ARHGEF28: variants seen among roughly 807,000 people sequenced by gnomAD.
ARHGEF28 encodes the protein 190 kDa guanine nucleotide exchange factor.
Under a neutral mutation model 206.6 loss-of-function variants are expected in ARHGEF28, and 152 were observed. That is an observed-to-expected ratio of 0.74 (90% CI 0.64 to 0.84). The LOEUF (loss-of-function observed/expected upper bound fraction) is 0.84, where lower values mean the gene tolerates loss of function less well. Among genes scored for constraint, ARHGEF28 ranks in the 40% least tolerant of loss-of-function variants. The probability of loss-of-function intolerance (pLI) is 0.00; values close to 1 mark genes in which losing one functional copy is unlikely to be tolerated. For synonymous variants in ARHGEF28, 763 were observed against 776.4 expected (o/e 0.98, Z 0.29); for missense variants, 2,028 against 2,073.2 (o/e 0.98, Z 0.42).
intron 35 of ARHGEF28, chr5:73,923,249 T>C: frequency 7.9e-7 from 1 of 1,260,700 alleles, no homozygotes; most frequent in South Asian, 1.4e-5. Flanking sequence ...AATGTTTTGG[T>C]TTATGCTAAA....
intron 29 of ARHGEF28, among the ~76,000 whole-genome samples, chr5:73,896,310 G>A (rs1353896630): frequency 2.0e-5 from 3 of 152,174 alleles, no homozygotes; most frequent in Non-Finnish European, 4.4e-5. Context: ...ACGTGTTTAA[G>A]GAAAGAAGGG....
chr5:73,844,821 C>A (rs1316947405), intron 11 of ARHGEF28, among the ~76,000 whole-genome samples: 1 of 144,532 alleles, frequency 6.9e-6, no homozygotes, highest in Non-Finnish European at 1.5e-5. Context: ...CGTGCATTAA[C>A]ATGCACCCAG....
chr5:73,896,713 C>T (rs949212326), intron 29 of ARHGEF28, among the ~76,000 whole-genome samples: 2 of 152,250 alleles, frequency 1.3e-5, no homozygotes, highest in African/African-American at 4.8e-5. Context: ...TGACCTCCCT[C>T]ATTGTCTTTG....
rs184413187 is a variant in ARHGEF28 at position 73,855,498 on chromosome 5, G to A, written c.1791-2158G>A. ...TTTAATCCCAGCACTTTGGGAGGCC[G>A]AGGTGGGTGAATCACCAGAGGTCAG... On this transcript the variant is annotated intron_variant, in intron 14 of 35. Transcript: ENST00000513042. 1.3e-3 allele frequency among the ~76,000 whole-genome samples: 204 copies of A among 152,262 alleles called. 1 individual carries two copies. Among genetic ancestry groups the A allele is most frequent in the African/African-American group, 4.7e-3 (196 of 41,548 alleles).
At chr5:73,842,095 T>G (rs1313502590) in intron 11 of ARHGEF28, among the ~76,000 whole-genome samples, 1 of 152,228 alleles carries the variant, frequency 6.6e-6, no homozygotes, top group Non-Finnish European at 1.5e-5. Context: ...TATCTGTCTA[T>G]CTGATTGTCT....
chr5:73,720,579 C>A (rs569989235), intron 2 of ARHGEF28, among the ~76,000 whole-genome samples: 1 of 151,898 alleles, frequency 6.6e-6, no homozygotes. Flanking sequence ...AGGGGAATGA[C>A]GGGTGGGATG....
intron 7 of ARHGEF28, among the ~76,000 whole-genome samples, chr5:73,786,093 C>T (rs1406653888): frequency 6.6e-6 from 1 of 150,708 alleles, no homozygotes; most frequent in Non-Finnish European, 1.5e-5. Flanking sequence ...GAGAAAAAAC[C>T]TTGCCCTCAA....
At chr5:73,741,039 A>T (rs1751347049) in intron 2 of ARHGEF28, among the ~76,000 whole-genome samples, 1 of 152,074 alleles carries the variant, frequency 6.6e-6, no homozygotes, top group South Asian at 2.1e-4. Flanking sequence ...AATTTTTCTT[A>T]TACCCAAGCC....
intron 9 of ARHGEF28, chr5:73,813,732 T>C: frequency 3.3e-6 from 5 of 1,498,460 alleles, no homozygotes; most frequent in South Asian, 1.2e-5. Flanking sequence ...TATTCTTTCT[T>C]TTCCGTGTTT....
chr5:73,767,018 A>G (rs1752934431), intron 4 of ARHGEF28, among the ~76,000 whole-genome samples: 1 of 152,150 alleles, frequency 6.6e-6, no homozygotes, highest in African/African-American at 2.4e-5. Context: ...TATACTCATG[A>G]TAGTGAATGA....
chr5:73,820,838 C>T (rs1756539243), intron 9 of ARHGEF28, among the ~76,000 whole-genome samples: 1 of 152,130 alleles, frequency 6.6e-6, no homozygotes, highest in Non-Finnish European at 1.5e-5. Context: ...CCCAGGGAAG[C>T]TGAGCCTGGC....
intron 1 of ARHGEF28, among the ~76,000 whole-genome samples, chr5:73,671,723 TA>T (rs1561323413): frequency 1.1e-4 from 1 of 8,824 alleles, no homozygotes; most frequent in African/African-American, 7.2e-4. Flanking sequence ...TATATATATA[TA>T]TATATATATA....
At chr5:73,883,510 G>A (rs952423824) in intron 23 of ARHGEF28, among the ~76,000 whole-genome samples, 1 of 152,150 alleles carries the variant, frequency 6.6e-6, no homozygotes, top group African/African-American at 2.4e-5. Context: ...GCACTTAGAA[G>A]TATTGGAACT....
Position 73,823,863 on chromosome 5 carries a change from C to CTTAAA in ARHGEF28, c.1025-8473_1025-8469dup, listed in dbSNP as rs564172857. On this transcript the variant is annotated intron_variant, in intron 9 of 35. Coordinates refer to ENST00000513042, the MANE Select transcript of ARHGEF28 (RefSeq NM_001177693.2). ...TTAGCTGTGTGCCCTTGGGAAGTTA[C>CTTAAA]TTAAATAGCACTGCAGTTTCCTCAT... Among the ~76,000 whole-genome samples the CTTAAA allele has an allele frequency of 2.3e-3, 348 of 152,294 alleles. 1 individual carries two copies. Among genetic ancestry groups the CTTAAA allele is most frequent in the Middle Eastern group, 0.01 (3 of 294 alleles).
At chr5:73,828,219 T>G (rs887832047) in intron 9 of ARHGEF28, 1 of 152,236 alleles carries the variant, frequency 6.6e-6, no homozygotes, top group Non-Finnish European at 1.5e-5. Flanking sequence ...CTGCTGGTTT[T>G]AAGCCCATTA....
chr5:73,894,696 A>G, intron 29 of ARHGEF28, 121 bp downstream of exon 29: 5 of 1,193,576 alleles, frequency 4.2e-6, no homozygotes, highest in Non-Finnish European at 5.7e-6. Flanking sequence ...CAAGGTCCTT[A>G]CTCGGCTGGA....
At chr5:73,928,858 C>T (rs1474681139) in intron 35 of ARHGEF28, among the ~76,000 whole-genome samples, 1 of 152,222 alleles carries the variant, frequency 6.6e-6, no homozygotes, top group Non-Finnish European at 1.5e-5. Context: ...CATGAGAATA[C>T]TACCCCATTC....
chr5:73,795,182 A>G (rs1394490537), intron 8 of ARHGEF28, 149 bp from the exon 9 acceptor site: 1 of 653,828 alleles, frequency 1.5e-6, no homozygotes. Context: ...AATATTAAGT[A>G]TAAGACTAGT....
intron 22 of ARHGEF28, among the ~76,000 whole-genome samples, chr5:73,874,690 T>C (rs1266273406): frequency 6.6e-6 from 1 of 151,062 alleles, no homozygotes; most frequent in Non-Finnish European, 1.5e-5. Context: ...GTCCTTGCGA[T>C]AGTTTGCTGA....
Sources: gnomAD v4.1 joint callset for allele counts (sites outside exome capture counted in the v4.1 genomes callset) on GRCh38, gnomAD v4.1.1 for gene constraint, MANE v1.5 for transcripts, NCBI Gene and HGNC (gene_info 2026-07-23, HGNC 2026-07-21) for gene names.